The following NRP2 variants were observed in gnomAD, a reference collection of about 807,000 sequenced individuals.
NRP2 encodes the protein neuropilin-2.
Under a neutral mutation model 110.4 loss-of-function variants are expected in NRP2, and 52 were observed. That is an observed-to-expected ratio of 0.47 (90% CI 0.38 to 0.59). NRP2 has a LOEUF of 0.59. Among genes scored for constraint, NRP2 ranks in the 20% least tolerant of loss-of-function variants. The pLI, the probability that NRP2 is intolerant of heterozygous loss-of-function variation, is 0.00. For missense variants in NRP2, 1,049 were observed against 1,203.0 expected (o/e 0.87, Z 1.89); for synonymous variants, 508 against 468.9 (o/e 1.08, Z -1.08).
At chr2:205,713,050 A>T (rs973914635) in intron 2 of NRP2, among the ~76,000 whole-genome samples, 1 of 152,232 alleles carries the variant, frequency 6.6e-6, no homozygotes, top group Admixed American at 6.5e-5. Context: ...AGGCAGCATT[A>T]CAAGAAGGGA....
In NRP2 at chr2:205,796,470, A is replaced by C. The variant is rs770611837; in HGVS notation, c.*1412A>C. The C allele has an allele frequency of 6.6e-6, 1 of 152,494 alleles. No individual in the cohort carries two copies. The highest frequency in any genetic ancestry group is 1.5e-5 in the Non-Finnish European group (1 of 68,040). 9.4% of individuals were successfully genotyped at this position (152,494 alleles called of 1,614,324 possible). A position where few individuals can be genotyped will look rare whatever the true frequency, so the allele number is the denominator to read the frequency against. Reference sequence around the variant, plus strand: ...TGCACGCACGCACGCATGCACACCAATTTATGTTTTTATTAAGTGCCTTGA... The same window carrying C: ...TGCACGCACGCACGCATGCACACCACTTTATGTTTTTATTAAGTGCCTTGA... On this transcript the variant is annotated 3_prime_UTR_variant, in exon 17 of 17. Transcript: ENST00000357785.
In NRP2 at chr2:205,683,188, T is replaced by A; in HGVS notation, c.-103T>A. The A allele has an allele frequency of 1.2e-6, 1 of 842,688 alleles. No homozygotes were observed. The highest frequency in any genetic ancestry group is 1.5e-5 in the South Asian group (1 of 67,696). 52.2% of individuals were successfully genotyped at this position (842,688 alleles called of 1,614,324 possible). ...AGGGAAACGCTGACCATTAGAAACCTCTGCATAAGACGTTGTAAGGAGGAA... is the reference window on the plus strand; with the variant it reads ...AGGGAAACGCTGACCATTAGAAACCACTGCATAAGACGTTGTAAGGAGGAA... On this transcript the variant is annotated 5_prime_UTR_variant, in exon 1 of 17. Transcript: ENST00000357785.
In NRP2 at chr2:205,725,461, T is replaced by G. The variant is rs1342644777; in HGVS notation, c.821-452T>G. Among the ~76,000 whole-genome samples, 2 of 152,164 alleles carry G rather than the reference T, an allele frequency of 1.3e-5. No individual in the cohort carries two copies. The highest frequency in any genetic ancestry group is 2.9e-5 in the Non-Finnish European group (2 of 68,034). On this transcript the variant is annotated intron_variant, in intron 5 of 16. Coordinates refer to ENST00000357785, the MANE Select transcript of NRP2 (RefSeq NM_003872.3). This position sits in a 1 kb window ranked among gnomAD's most constrained non-coding sequence, Gnocchi z 4.1. ...TAATGTCTGTCTTCTGTGCCAGAAC[T>G]CACAAGACAGTTGAGTGAAAAAAGA...
intron 1 of NRP2, among the ~76,000 whole-genome samples, chr2:205,689,488 G>A (rs2056257194): frequency 6.6e-6 from 1 of 152,202 alleles, no homozygotes; most frequent in South Asian, 2.1e-4. Context: ...CGTGATCGTA[G>A]AAAGCACACT....
chr2:205,717,145 C>A (rs2056915386), intron 3 of NRP2, among the ~76,000 whole-genome samples: 1 of 152,086 alleles, frequency 6.6e-6, no homozygotes, highest in South Asian at 2.1e-4. Flanking sequence ...CTCAAGCTCT[C>A]CCAGTGGTGT....
intron 7 of NRP2, among the ~76,000 whole-genome samples, chr2:205,736,075 C>T (rs1309836680): frequency 6.6e-6 from 1 of 152,188 alleles, no homozygotes; most frequent in African/African-American, 2.4e-5. Context: ...GGCATGGTGG[C>T]TCACACCTGT....
chr2:205,745,405 C>G (rs6716436), intron 9 of NRP2, among the ~76,000 whole-genome samples: 8,490 of 152,244 alleles, frequency 0.056, 256 homozygotes, highest in Middle Eastern at 0.11. Flanking sequence ...TGCCTTCCCC[C>G]CTCTCTAGCC....
intron 8 of NRP2, among the ~76,000 whole-genome samples, chr2:205,742,747 G>A (rs955055554): frequency 1.3e-5 from 2 of 152,180 alleles, no homozygotes; most frequent in Admixed American, 6.5e-5. Context: ...AGGGTCAGTG[G>A]GGACTAGTGT....
chr2:205,714,263 G>C (rs745391947), intron 2 of NRP2, among the ~76,000 whole-genome samples: 1 of 152,176 alleles, frequency 6.6e-6, no homozygotes, highest in Non-Finnish European at 1.5e-5. Flanking sequence ...CTTGCCTGAG[G>C]TCACCCAGCT....
chr2:205,793,070 A>G (rs1299688170), intron 16 of NRP2, among the ~76,000 whole-genome samples: 1 of 152,240 alleles, frequency 6.6e-6, no homozygotes, highest in African/African-American at 2.4e-5. Context: ...ATGCGTAGTT[A>G]TAGAAACTGG....
At chr2:205,770,218 A>T (rs2057999398) in intron 15 of NRP2, among the ~76,000 whole-genome samples, 1 of 152,066 alleles carries the variant, frequency 6.6e-6, no homozygotes, top group Non-Finnish European at 1.5e-5. Context: ...TCAGCTGGGA[A>T]TGTGGGGTTT....
chr2:205,739,865 A>G, intron 7 of NRP2: 1 of 162,646 alleles, frequency 6.1e-6, no homozygotes, highest in Non-Finnish European at 1.4e-5. Context: ...GATGGATTTC[A>G]TTACAGGGCA....
At chr2:205,765,598 T>C (rs2057902348) in intron 14 of NRP2, 28 bp downstream of exon 14, 2 of 1,581,062 alleles carry the variant, frequency 1.3e-6, no homozygotes, top group African/African-American at 2.7e-5. Flanking sequence ...TCTTCATGGT[T>C]CTTTCAAATA....
chr2:205,728,601 C>T lies in NRP2; in HGVS notation c.1146+555C>T, dbSNP rs1459229697. Among the ~76,000 whole-genome samples, 5 of 152,226 alleles carry T rather than the reference C, an allele frequency of 3.3e-5. No homozygotes were observed. The East Asian group carries it at 7.7e-4, about 23-fold the overall frequency. ...AGGCATTGAATTCTCTCTGCTGGTG[C>T]CTCCCGCATCTGCGGCTCCCGGAGG... On this transcript the variant is annotated intron_variant, in intron 7 of 16. Coordinates refer to ENST00000357785, the MANE Select transcript of NRP2 (RefSeq NM_003872.3).
rs3072627 is a variant in NRP2 at position 205,697,312 on chromosome 2, C to CTGTGTGTGTGTG, written c.74-210_74-199dup. Among the ~76,000 whole-genome samples, 103 of 137,954 alleles carry CTGTGTGTGTGTG rather than the reference C, an allele frequency of 7.5e-4. 2 individuals carry two copies. The highest frequency in any genetic ancestry group is 2.9e-3 in the African/African-American group (99 of 34,736). 90.5% of individuals were successfully genotyped at this position (137,954 alleles called of 152,430 possible). ...TGGCCATGTTCTGGAATACTTTCAT[C>CTGTGTGTGTGTG]TGTGTGTGTGTGTGTGTGTGTGTGT... On this transcript the variant is annotated intron_variant, in intron 1 of 16. Transcript: ENST00000357785.
rs1445108314 is a variant in NRP2, at chr2:205,766,817, AG to A, written c.2425+16del. On this transcript the variant is annotated intron_variant, in intron 15 of 16. Transcript: ENST00000357785. Reference sequence around the variant, plus strand: ...CGGCTTTTGCAGGTGAGAATTTTAAAGGTAAAAAAAAATTTTTTTTTTGCAT... The same window carrying A: ...CGGCTTTTGCAGGTGAGAATTTTAAAGTAAAAAAAAATTTTTTTTTTGCAT... The A allele has an allele frequency of 1.2e-6, 2 of 1,610,992 alleles. No individual in the cohort carries two copies. The highest frequency in any genetic ancestry group is 1.7e-6 in the Non-Finnish European group (2 of 1,179,684).
At chr2:205,717,165 T>C (rs2056915883) in intron 3 of NRP2, among the ~76,000 whole-genome samples, 1 of 151,860 alleles carries the variant, frequency 6.6e-6, no homozygotes, top group Admixed American at 6.6e-5. Context: ...TGTCCTCTTC[T>C]GTGATGTGTG....
intron 1 of NRP2, among the ~76,000 whole-genome samples, chr2:205,690,656 T>A (rs1414068103): frequency 6.6e-6 from 1 of 150,604 alleles, no homozygotes; most frequent in East Asian, 1.9e-4. Context: ...GGTGGGCGCC[T>A]ATAATCCCAG....
intron 7 of NRP2, among the ~76,000 whole-genome samples, chr2:205,739,682 CTTTTTTTTT>C (rs3047659): frequency 1.6e-5 from 2 of 124,952 alleles, no homozygotes; most frequent in East Asian, 2.3e-4. Context: ...GCTCTAGTTA[CTTTTTTTTT>C]TTTTTTTTTT....
Sources: gnomAD v4.1 joint callset for allele counts (sites outside exome capture counted in the v4.1 genomes callset) on GRCh38, gnomAD v4.1.1 for gene constraint, Gnocchi (gnomAD v3.1) non-coding constraint, MANE v1.5 for transcripts, NCBI Gene and HGNC (gene_info 2026-07-23, HGNC 2026-07-21) for gene names.